The following KLRG1 variants were observed in gnomAD, a reference collection of about 807,000 sequenced individuals.
KLRG1 encodes the protein killer cell lectin like receptor G1.
A neutral mutation model predicts 21.8 loss-of-function variants in KLRG1; 16 were observed. That is an observed-to-expected ratio of 0.73 (90% CI 0.50 to 1.11). The LOEUF is 1.11. KLRG1 is among the 50% of genes most tolerant of loss of function. KLRG1 has a pLI of 0.00. For missense variants in KLRG1, 173 were observed against 218.3 expected (o/e 0.79, Z 1.31); for synonymous variants, 69 against 75.9 (o/e 0.91, Z 0.47).
chr12:9,152,147 A>G, the KLRG1 span: 2 of 1,100,838 alleles, frequency 1.8e-6, no homozygotes, highest in African/African-American at 1.5e-5. Context: ...TGGTTTTGAT[A>G]TTGGTATGGT....
At chr12:9,091,472 A>C in the KLRG1 span, 1 of 1,599,342 alleles carries the variant, frequency 6.3e-7, no homozygotes, top group East Asian at 2.2e-5. Flanking sequence ...AAGCAGTTAA[A>C]TACATCCTTT....
the KLRG1 span, among the ~76,000 whole-genome samples, chr12:9,151,276 T>A: frequency 6.6e-6 from 1 of 152,154 alleles, no homozygotes; most frequent in African/African-American, 2.4e-5. Context: ...TCCTATTGAT[T>A]TATCACTTCA....
the KLRG1 span, among the ~76,000 whole-genome samples, chr12:9,028,476 C>T: frequency 7.1e-6 from 1 of 141,140 alleles, no homozygotes; most frequent in East Asian, 2.1e-4. Context: ...CTTAGTCTCA[C>T]TCTGTCACCC....
the KLRG1 span, among the ~76,000 whole-genome samples, chr12:9,171,152 G>C: frequency 1.3e-5 from 2 of 152,190 alleles, no homozygotes; most frequent in African/African-American, 4.8e-5. Context: ...GAAGGCACAG[G>C]CTGCCATCTT....
chr12:9,000,290 G>A lies in KLRG1; in HGVS notation c.357+5002G>A, dbSNP rs758166803. Among the ~76,000 whole-genome samples the A allele has an allele frequency of 7.9e-4, 120 of 152,252 alleles. 1 individual carries two copies. Among genetic ancestry groups the A allele is most frequent in the African/African-American group, 2.7e-3 (112 of 41,544 alleles). On this transcript the variant is annotated intron_variant, in intron 3 of 4. Transcript: ENST00000356986. ...GGAGGTCTTCACAGTCTGGTAATGT[G>A]CATCTTTTGTCACGCTTCTTTATAA...
At chr12:8,975,271 T>C (rs1417652724) in intron 1 of KLRG1, among the ~76,000 whole-genome samples, 5 of 152,196 alleles carry the variant, frequency 3.3e-5, no homozygotes, top group Non-Finnish European at 7.3e-5. Flanking sequence ...GTAAAATTCA[T>C]CCATGGAACC....
At chr12:9,108,957 T>C in the KLRG1 span, among the ~76,000 whole-genome samples, 1 of 152,174 alleles carries the variant, frequency 6.6e-6, no homozygotes, top group Non-Finnish European at 1.5e-5. Flanking sequence ...ATGTGTTAAT[T>C]ATCTCCCTAA....
the KLRG1 span, chr12:9,166,281 A>G: frequency 6.9e-7 from 1 of 1,456,502 alleles, no homozygotes; most frequent in Non-Finnish European, 9.3e-7. Context: ...TTAGAGAACA[A>G]AATTTTCAGT....
the KLRG1 span, chr12:9,200,380 T>A: frequency 6.2e-7 from 1 of 1,607,370 alleles, no homozygotes; most frequent in Non-Finnish European, 8.5e-7. Context: ...CAGACTGTTA[T>A]GTTCACTTTT....
At chr12:9,065,190 T>TGCAAGGA in the KLRG1 span, 2 of 68,734 alleles carry the variant, frequency 2.9e-5, no homozygotes, top group Non-Finnish European at 5.2e-5. Context: ...CAGCCCAGCC[T>TGCAAGGA]GCAAGGAGGC....
the KLRG1 span, chr12:9,065,693 C>G: frequency 6.6e-6 from 1 of 152,444 alleles, no homozygotes; most frequent in African/African-American, 2.4e-5. Flanking sequence ...AAGTCCCACC[C>G]TCAAGCTGGT....
At chr12:9,055,076 T>C in the KLRG1 span, among the ~76,000 whole-genome samples, 1 of 152,184 alleles carries the variant, frequency 6.6e-6, no homozygotes, top group South Asian at 2.1e-4. Context: ...AAAACTGATA[T>C]CCAGATGTTT....
the KLRG1 span, chr12:9,203,682 C>T: frequency 4.1e-5 from 61 of 1,473,350 alleles, no homozygotes; most frequent in Non-Finnish European, 4.7e-5. Flanking sequence ...ACCTTGGGAT[C>T]GCACACCAGA....
intron 1 of KLRG1, among the ~76,000 whole-genome samples, chr12:8,961,493 A>G (rs994073283): frequency 6.6e-6 from 1 of 151,918 alleles, no homozygotes; most frequent in Non-Finnish European, 1.5e-5. Context: ...GCTCACTGCA[A>G]CCTCCATCTC....
At chr12:9,099,975 T>G in the KLRG1 span, among the ~76,000 whole-genome samples, 71 of 152,372 alleles carry the variant, frequency 4.7e-4, no homozygotes, top group South Asian at 0.014. Flanking sequence ...ATGTAGATTC[T>G]TTAGAGGTTG....
the KLRG1 span, chr12:9,109,949 C>T: frequency 6.2e-7 from 1 of 1,614,036 alleles, no homozygotes; most frequent in Non-Finnish European, 8.5e-7. Context: ...CCTGGAAGGG[C>T]TCTGATGAGA....
At chr12:9,000,561 A>G (rs1353202261) in intron 3 of KLRG1, among the ~76,000 whole-genome samples, 3 of 152,186 alleles carry the variant, frequency 2.0e-5, no homozygotes, top group African/African-American at 7.2e-5. Context: ...CTCTTAAACA[A>G]TAACTCCCCT....
chr12:9,208,896 A>T, the KLRG1 span, among the ~76,000 whole-genome samples: 1 of 152,232 alleles, frequency 6.6e-6, no homozygotes, highest in Non-Finnish European at 1.5e-5. Context: ...AAGAGATAAA[A>T]GATCAAAGAG....
the KLRG1 span, chr12:9,196,591 C>G: frequency 1.9e-6 from 3 of 1,610,884 alleles, no homozygotes; most frequent in South Asian, 2.2e-5. Flanking sequence ...TTCTCTGATC[C>G]TGGCTTCCAC....
Sources: gnomAD v4.1 joint callset for allele counts (sites outside exome capture counted in the v4.1 genomes callset) on GRCh38, gnomAD v4.1.1 for gene constraint, MANE v1.5 for transcripts, NCBI Gene and HGNC (gene_info 2026-07-23, HGNC 2026-07-21) for gene names.